The following DYNC2I2 variants were observed in gnomAD, a reference collection of about 807,000 sequenced individuals.
DYNC2I2 encodes dynein 2 intermediate chain 2, also known as cytoplasmic dynein 2 intermediate chain 2.
A neutral mutation model predicts 52.0 loss-of-function variants in DYNC2I2; 39 were observed. That is an observed-to-expected ratio of 0.75 (90% CI 0.58 to 0.98). The LOEUF is 0.98. Ranked by LOEUF, DYNC2I2 falls within the 50% of genes least tolerant of loss-of-function variation. The pLI is 0.00. For synonymous variants in DYNC2I2, 359 were observed against 321.1 expected (o/e 1.12, Z -1.26); for missense variants, 743 against 728.4 (o/e 1.02, Z -0.23).
chr9:128,669,516 G>A, the DYNC2I2 span, among the ~76,000 whole-genome samples: 1 of 152,150 alleles, frequency 6.6e-6, no homozygotes, highest in South Asian at 2.1e-4. Context: ...TGAGCAACAT[G>A]GAGAAACCCT....
intron 7 of DYNC2I2, 108 bp from the exon 8 acceptor site, chr9:128,634,491 C>G: frequency 7.0e-7 from 1 of 1,428,756 alleles, no homozygotes; most frequent in South Asian, 1.4e-5. Context: ...GAAGAGCCTC[C>G]CGGGTCCCTC....
chr9:128,663,952 C>CT, the DYNC2I2 span, among the ~76,000 whole-genome samples: 5,206 of 101,906 alleles, frequency 0.051, 675 homozygotes, highest in African/African-American at 0.18. Context: ...TGCACCCAGG[C>CT]TTTTTTTTTT....
At chr9:128,640,572 G>A (rs969588185) in intron 2 of DYNC2I2, 119 bp downstream of exon 2, 1 of 1,481,134 alleles carries the variant, frequency 6.8e-7, no homozygotes, top group Non-Finnish European at 9.0e-7. Context: ...GGACATTAGA[G>A]CCTGGTGATT....
intron 1 of DYNC2I2, among the ~76,000 whole-genome samples, chr9:128,652,432 CAAAAAAA>C (rs59498068): frequency 3.2e-5 from 3 of 92,886 alleles, no homozygotes; most frequent in Non-Finnish European, 6.5e-5. Flanking sequence ...AACTTCATCT[CAAAAAAA>C]AAAAAAAAAA....
intron 1 of DYNC2I2, 90 bp from the exon 2 acceptor site, chr9:128,641,029 CT>C: frequency 6.8e-7 from 1 of 1,465,378 alleles, no homozygotes; most frequent in East Asian, 2.4e-5. Flanking sequence ...GCTTGACCCC[CT>C]CCTTGCTGCT....
intron 2 of DYNC2I2, among the ~76,000 whole-genome samples, chr9:128,639,384 C>T (rs1347889700): frequency 1.3e-5 from 2 of 151,448 alleles, no homozygotes; most frequent in South Asian, 2.1e-4. Context: ...GGTGACAGAG[C>T]GAGACTCTGT....
At chr9:128,660,927 A>C (rs1020672384), upstream of DYNC2I2, among the ~76,000 whole-genome samples, 4 of 150,036 alleles carry the variant, frequency 2.7e-5, no homozygotes, top group Non-Finnish European at 5.9e-5. Flanking sequence ...ACGGGGTTTC[A>C]CCATATTGGC....
the DYNC2I2 span, among the ~76,000 whole-genome samples, chr9:128,664,222 G>A: frequency 6.6e-6 from 1 of 152,024 alleles, no homozygotes; most frequent in Non-Finnish European, 1.5e-5. Flanking sequence ...AAAGTGCTGG[G>A]ATTACAGGCG....
chr9:128,662,040 CAA>C, the DYNC2I2 span, among the ~76,000 whole-genome samples: 5 of 127,750 alleles, frequency 3.9e-5, no homozygotes, highest in Admixed American at 7.9e-5. Context: ...GACTCCATCT[CAA>C]AAAAAAAAAA....
Position 128,636,870 on chromosome 9 carries a change from G to C in DYNC2I2, c.545+48C>G, listed in dbSNP as rs1371901886. On this transcript the variant is annotated intron_variant, in intron 3 of 8. Coordinates refer to ENST00000372715, the MANE Select transcript of DYNC2I2 (RefSeq NM_052844.4). ...CAGCTACAGAGACAAGGCCCAAGGA[G>C]GGTCCTGGGGTGGCGAGCTGCCCCT... 3.5e-6 allele frequency: 5 copies of C among 1,422,422 alleles called. No homozygotes were observed. In the South Asian group the frequency reaches 5.9e-5, roughly 17 times the overall value. 88.1% of individuals were successfully genotyped at this position (1,422,422 alleles called of 1,614,324 possible).
chr9:128,642,080 G>A (rs1860524221), intron 1 of DYNC2I2, among the ~76,000 whole-genome samples: 1 of 151,824 alleles, frequency 6.6e-6, no homozygotes, highest in African/African-American at 2.4e-5. Flanking sequence ...AAGATCAGGA[G>A]ATCAAGACCA....
At chr9:128,677,450 A>C in the DYNC2I2 span, among the ~76,000 whole-genome samples, 1 of 151,692 alleles carries the variant, frequency 6.6e-6, no homozygotes, top group Non-Finnish European at 1.5e-5. Context: ...GCTCCACTGC[A>C]CTCTAACCTG....
chr9:128,656,769 C>G lies in DYNC2I2; in HGVS notation c.-43G>C. 7.6e-7 allele frequency: 1 copy of G among 1,314,614 alleles called. No individual in the cohort carries two copies. Among genetic ancestry groups the G allele is most frequent in the Non-Finnish European group, 9.7e-7 (1 of 1,030,450 alleles). The allele number at this position is 1,314,614 out of a possible 1,614,324, so 81.4% of individuals were successfully genotyped here. ...CTCGTGCGGACGCACTCAGGCGCGACCTCCGCCCCTACGCCGCCATGAGCG... is the reference window on the plus strand; with the variant it reads ...CTCGTGCGGACGCACTCAGGCGCGAGCTCCGCCCCTACGCCGCCATGAGCG... On this transcript the variant is annotated 5_prime_UTR_variant, in exon 1 of 9. Coordinates refer to ENST00000372715, the MANE Select transcript of DYNC2I2 (RefSeq NM_052844.4).
chr9:128,649,688 C>CAAAAAAAAAAAAAAAAAAAAAAA (rs34154610), intron 1 of DYNC2I2, among the ~76,000 whole-genome samples: 4 of 47,228 alleles, frequency 8.5e-5, no homozygotes, highest in Admixed American at 3.5e-4. Flanking sequence ...GACTCCATCT[C>CAAAAAAAAAAAAAAAAAAAAAAA]AAAAAAAAAA....
intron 1 of DYNC2I2, among the ~76,000 whole-genome samples, chr9:128,647,751 A>AAAAAT (rs1564343465): frequency 7.3e-6 from 1 of 136,190 alleles, no homozygotes. Context: ...AAAAAAAAAA[A>AAAAAT]GCGTTCAGGG....
the DYNC2I2 span, among the ~76,000 whole-genome samples, chr9:128,673,249 A>C: frequency 6.6e-6 from 1 of 152,238 alleles, no homozygotes; most frequent in South Asian, 2.1e-4. Flanking sequence ...AGATTAAAAA[A>C]TACTGTCAAT....
rs879143298 is a variant in DYNC2I2 at position 128,634,219 on chromosome 9, T to G, written c.1372+7A>C. 6.2e-7 allele frequency: 1 copy of G among 1,613,490 alleles called. No individual in the cohort carries two copies. Among genetic ancestry groups the G allele is most frequent in the East Asian group, 2.2e-5 (1 of 44,870 alleles). On this transcript the variant is annotated splice_region_variant and intron_variant, in intron 8 of 8. Coordinates refer to ENST00000372715, the MANE Select transcript of DYNC2I2 (RefSeq NM_052844.4). ...AAACAGATCCAGGCCTAGCGGCCCC[T>G]TCCTACCTTTCCCAGAGGCAGCTGC... is the stretch of plus-strand genomic sequence containing the variant.
At chr9:128,680,727 T>A in the DYNC2I2 span, among the ~76,000 whole-genome samples, 5 of 151,850 alleles carry the variant, frequency 3.3e-5, no homozygotes, top group African/African-American at 1.2e-4. Flanking sequence ...CAGTCTGGAG[T>A]GCGGTGGCGT....
upstream of DYNC2I2, among the ~76,000 whole-genome samples, chr9:128,658,008 C>T (rs909206791): frequency 1.6e-4 from 24 of 151,902 alleles, no homozygotes; most frequent in African/African-American, 5.1e-4. Context: ...TGAGAGGATC[C>T]CTGGAGTCAG....
Sources: allele counts gnomAD v4.1 joint callset (sites outside exome capture counted in the v4.1 genomes callset), GRCh38; gene constraint gnomAD v4.1.1; transcripts MANE v1.5; gene names NCBI Gene and HGNC (gene_info 2026-07-23, HGNC 2026-07-21).